Variants in MARCHF4 observed in about 807,000 individuals in gnomAD.
MARCHF4 encodes the protein membrane associated ring-CH-type finger 4.
A neutral mutation model predicts 43.9 loss-of-function variants in MARCHF4; 14 were observed. The observed-to-expected ratio is 0.32, with a 90% CI of 0.21 to 0.50. The LOEUF (loss-of-function observed/expected upper bound fraction) is 0.50, where lower values mean the gene tolerates loss of function less well. MARCHF4 is among the 20% of genes least tolerant of loss of function. The pLI is 0.98. For missense variants in MARCHF4, 468 were observed against 536.7 expected (o/e 0.87, Z 1.27); for synonymous variants, 226 against 213.3 (o/e 1.06, Z -0.52).
intron 3 of MARCHF4, among the ~76,000 whole-genome samples, chr2:216,272,746 G>A (rs1490295411): frequency 6.6e-6 from 1 of 152,200 alleles, no homozygotes; most frequent in Non-Finnish European, 1.5e-5. Flanking sequence ...ACGTACGTTT[G>A]GCTTTCACAG....
chr2:216,296,580 G>C (rs1691399380), intron 1 of MARCHF4, among the ~76,000 whole-genome samples: 1 of 152,154 alleles, frequency 6.6e-6, no homozygotes, highest in Admixed American at 6.5e-5. Flanking sequence ...TTTGTCTGCA[G>C]AAAGTGAAAG....
chr2:216,320,360 TTCTCTAA>T (rs1222438773), intron 1 of MARCHF4, among the ~76,000 whole-genome samples: 1 of 152,102 alleles, frequency 6.6e-6, no homozygotes, highest in Non-Finnish European at 1.5e-5. Flanking sequence ...AAAGGCCAGG[TTCTCTAA>T]TAAGCATTTC....
intron 3 of MARCHF4, among the ~76,000 whole-genome samples, chr2:216,266,951 A>G (rs1395494362): frequency 6.6e-6 from 1 of 152,202 alleles, no homozygotes; most frequent in African/African-American, 2.4e-5. Context: ...AGTTACCATA[A>G]AGTTACAAAA....
At chr2:216,349,270 C>G (rs1322163956) in intron 1 of MARCHF4, among the ~76,000 whole-genome samples, 1 of 152,174 alleles carries the variant, frequency 6.6e-6, no homozygotes, top group Non-Finnish European at 1.5e-5. Flanking sequence ...CCTGTCTTAG[C>G]AGAAAGGGGA....
intron 1 of MARCHF4, among the ~76,000 whole-genome samples, chr2:216,325,072 T>C (rs995284964): frequency 1.2e-4 from 18 of 152,180 alleles, no homozygotes; most frequent in South Asian, 2.1e-4. Flanking sequence ...AACCCCATTG[T>C]CTCAGCCCAA....
At chr2:216,358,814 C>T (rs958688377) in intron 1 of MARCHF4, among the ~76,000 whole-genome samples, 1 of 152,156 alleles carries the variant, frequency 6.6e-6, no homozygotes, top group African/African-American at 2.4e-5. Flanking sequence ...CTAGATGCAG[C>T]CAGGCATTTG....
chr2:216,261,069 A>G (rs964195290), intron 3 of MARCHF4, among the ~76,000 whole-genome samples: 2 of 152,144 alleles, frequency 1.3e-5, no homozygotes, highest in Non-Finnish European at 2.9e-5. Context: ...AGGGCACCAG[A>G]GGCGGGCTAT....
In MARCHF4 at chr2:216,326,728, G is replaced by A. The variant is rs1490428591; in HGVS notation, c.517-42999C>T. ...TCGCAAGAACAAAAAACCAAACACC[G>A]CATATTCTCACTCATAGGTGGGAAT... On this transcript the variant is annotated intron_variant, in intron 1 of 3. Transcript: ENST00000273067. Among the ~76,000 whole-genome samples, 150 of 150,880 alleles carry A rather than the reference G, an allele frequency of 9.9e-4. 3 individuals carry two copies. The Admixed American group carries it at 1.0e-2, about 10-fold the overall frequency.
rs1559109946 is a variant in MARCHF4 at position 216,370,002 on chromosome 2, A to AC, written c.258dup (p.Trp87ValfsTer32). On this transcript the variant is annotated frameshift_variant, in exon 1 of 4. Coordinates refer to ENST00000273067, the MANE Select transcript of MARCHF4 (RefSeq NM_020814.3). LOFTEE classifies it high-confidence loss of function. ...TCTCGGGGGCCCCTCCAGCCTGCCC[A>AC]CCCCCCGGCGCCCAGAGCCGGAAGG... is the stretch of plus-strand genomic sequence containing the variant. 1 of 1,538,856 alleles carries AC rather than the reference A, an allele frequency of 6.5e-7. No individual in the cohort carries two copies.
chr2:216,259,875 A>C, intron 3 of MARCHF4, 196 bp from the exon 4 acceptor site: 1 of 597,150 alleles, frequency 1.7e-6, no homozygotes, highest in Non-Finnish European at 2.9e-6. Context: ...GACCGAGTCC[A>C]TGAAATAGTT....
chr2:216,331,421 A>G (rs1692079879), intron 1 of MARCHF4, among the ~76,000 whole-genome samples: 1 of 152,158 alleles, frequency 6.6e-6, no homozygotes, highest in Non-Finnish European at 1.5e-5. Context: ...TATCCCAAAT[A>G]TTTCAGAAAT....
At chr2:216,360,661 T>C (rs577853314) in intron 1 of MARCHF4, among the ~76,000 whole-genome samples, 1 of 152,170 alleles carries the variant, frequency 6.6e-6, no homozygotes, top group Non-Finnish European at 1.5e-5. Flanking sequence ...AACCATTCTG[T>C]ATGATACCAT....
At chr2:216,316,184 C>G (rs1039905976) in intron 1 of MARCHF4, among the ~76,000 whole-genome samples, 1 of 152,212 alleles carries the variant, frequency 6.6e-6, no homozygotes, top group Non-Finnish European at 1.5e-5. Flanking sequence ...CACTGCGCCT[C>G]CGGAATAAGG....
At chr2:216,263,243 A>G (rs888236033) in intron 3 of MARCHF4, among the ~76,000 whole-genome samples, 1 of 152,242 alleles carries the variant, frequency 6.6e-6, no homozygotes, top group African/African-American at 2.4e-5. Flanking sequence ...CCAGGCCAAC[A>G]TGGTGAAACC....
At chr2:216,343,029 A>T (rs911434868) in intron 1 of MARCHF4, among the ~76,000 whole-genome samples, 14 of 152,184 alleles carry the variant, frequency 9.2e-5, no homozygotes, top group African/African-American at 3.1e-4. Flanking sequence ...AGAATGGTGA[A>T]CTGTCCCCCT....
intron 1 of MARCHF4, among the ~76,000 whole-genome samples, chr2:216,350,380 A>G (rs1019185423): frequency 6.0e-5 from 8 of 132,470 alleles, no homozygotes; most frequent in Non-Finnish European, 1.3e-4. Flanking sequence ...TCACTATGCC[A>G]CATCCCTCAC....
chr2:216,282,959 A>G (rs112097724), intron 2 of MARCHF4, among the ~76,000 whole-genome samples: 1,654 of 151,360 alleles, frequency 0.011, 23 homozygotes, highest in African/African-American at 0.039. Context: ...AGAAGCATCA[A>G]CAGATGCTCC....
intron 3 of MARCHF4, among the ~76,000 whole-genome samples, chr2:216,275,754 C>A (rs1463384678): frequency 6.6e-6 from 1 of 152,226 alleles, no homozygotes; most frequent in South Asian, 2.1e-4. Context: ...CTCTGTTACC[C>A]TATTGATGTT....
At chr2:216,342,283 A>T (rs1692249703) in intron 1 of MARCHF4, among the ~76,000 whole-genome samples, 1 of 152,162 alleles carries the variant, frequency 6.6e-6, no homozygotes, top group Non-Finnish European at 1.5e-5. Context: ...GGTTCTTGTT[A>T]TTCTCTCCAC....
Sources: allele counts gnomAD v4.1 joint callset (sites outside exome capture counted in the v4.1 genomes callset), GRCh38; gene constraint gnomAD v4.1.1; transcripts MANE v1.5; gene names NCBI Gene and HGNC (gene_info 2026-07-23, HGNC 2026-07-21).